The following TPRG1 variants were observed in gnomAD, a reference collection of about 807,000 sequenced individuals.
The protein encoded by TPRG1 is tumor protein p63-regulated gene 1 protein.
TPRG1 carries 29 observed loss-of-function variants against 29.3 expected under a neutral mutation model. The observed-to-expected ratio is 0.99, with a 90% CI of 0.74 to 1.35. The LOEUF is 1.35. Among genes scored for constraint, TPRG1 ranks in the 40% most tolerant of loss-of-function variants. The probability of loss-of-function intolerance (pLI) is 0.00; values close to 1 mark genes in which losing one functional copy is unlikely to be tolerated. For synonymous variants in TPRG1, 130 were observed against 116.8 expected, an observed-to-expected ratio of 1.11 and a Z score of -0.73; for missense variants, 327 against 335.0, an observed-to-expected ratio of 0.98 and a Z score of 0.19.
chr3:189,020,486 G>A (rs1057285779), intron 3 of TPRG1, among the ~76,000 whole-genome samples: 3 of 150,098 alleles, frequency 2.0e-5, no homozygotes, highest in Non-Finnish European at 3.0e-5. Flanking sequence ...ATTTCGTTAT[G>A]TACCCAGTAG....
intron 4 of TPRG1, among the ~76,000 whole-genome samples, chr3:189,252,110 C>T (rs1254921607): frequency 9.9e-5 from 15 of 152,160 alleles, no homozygotes; most frequent in Admixed American, 9.2e-4. Context: ...AGCATGCTGC[C>T]TTCAAGCATC....
At chr3:189,166,748 G>A (rs185448921) in intron 5 of TPRG1, among the ~76,000 whole-genome samples, 111 of 152,274 alleles carry the variant, frequency 7.3e-4, no homozygotes, top group African/African-American at 2.6e-3. Flanking sequence ...GATGAGACAT[G>A]TAAAATGCCT....
chr3:189,022,321 T>C (rs1436017451), intron 3 of TPRG1, among the ~76,000 whole-genome samples: 4 of 146,862 alleles, frequency 2.7e-5, no homozygotes, highest in African/African-American at 1.0e-4. Flanking sequence ...CTTTTTAGAG[T>C]TTCCAGTTTT....
At chr3:189,035,663 C>A (rs916962239) in intron 4 of TPRG1, among the ~76,000 whole-genome samples, 2 of 152,102 alleles carry the variant, frequency 1.3e-5, no homozygotes, top group Middle Eastern at 6.8e-3. Context: ...ATGTGACCAA[C>A]AAATATATTA....
chr3:189,138,097 A>G (rs1224431407), intron 3 of TPRG1, among the ~76,000 whole-genome samples: 1 of 152,204 alleles, frequency 6.6e-6, no homozygotes, highest in Non-Finnish European at 1.5e-5. Flanking sequence ...ATGGGCATGT[A>G]CAAGTTTTGT....
chr3:189,069,636 T>C (rs1175061606), intron 4 of TPRG1, among the ~76,000 whole-genome samples: 1 of 152,140 alleles, frequency 6.6e-6, no homozygotes, highest in Non-Finnish European at 1.5e-5. Context: ...GAAATTTCAG[T>C]CTTGGGCATT....
At chr3:189,027,939 C>T (rs750674374) in intron 4 of TPRG1, among the ~76,000 whole-genome samples, 9 of 151,932 alleles carry the variant, frequency 5.9e-5, no homozygotes, top group South Asian at 2.1e-4. Context: ...CATTTTTTTT[C>T]GTTCCCTCAT....
chr3:189,134,349 A>G (rs1020785221), intron 3 of TPRG1, among the ~76,000 whole-genome samples: 3 of 151,764 alleles, frequency 2.0e-5, no homozygotes, highest in Non-Finnish European at 4.4e-5. Flanking sequence ...TCACAAAATG[A>G]ACCAATCTCA....
At chr3:188,998,509 G>C (rs1039172726) in intron 1 of TPRG1, among the ~76,000 whole-genome samples, 1 of 152,236 alleles carries the variant, frequency 6.6e-6, no homozygotes, top group African/African-American at 2.4e-5. Context: ...AAGAATCTGT[G>C]TAAAGACACT....
chr3:189,259,462 CTTTTTTTTTT>C (rs35016491), intron 4 of TPRG1, among the ~76,000 whole-genome samples: 2 of 92,120 alleles, frequency 2.2e-5, no homozygotes, highest in African/African-American at 9.6e-5. Context: ...CCAGGAATCC[CTTTTTTTTTT>C]TTTTTTTTTT....
chr3:189,199,509 G>A (rs964366146), intron 1 of TPRG1, among the ~76,000 whole-genome samples: 6 of 152,106 alleles, frequency 3.9e-5, no homozygotes, highest in African/African-American at 4.8e-5. Flanking sequence ...ATTGATGACC[G>A]GGAAACCCAC....
chr3:189,128,732 T>A (rs1275440803), intron 2 of TPRG1, among the ~76,000 whole-genome samples: 1 of 152,164 alleles, frequency 6.6e-6, no homozygotes, highest in Non-Finnish European at 1.5e-5. Context: ...ATGCCACTGG[T>A]AGGTGTCAGT....
chr3:189,075,251 G>A (rs910272923), intron 4 of TPRG1, among the ~76,000 whole-genome samples: 2 of 151,978 alleles, frequency 1.3e-5, no homozygotes, highest in Admixed American at 1.3e-4. Context: ...TCCCGTCTCC[G>A]CCTCCCAAGT....
intron 4 of TPRG1, among the ~76,000 whole-genome samples, chr3:189,089,252 C>A (rs6444348): frequency 0.16 from 24,418 of 152,066 alleles, 3,732 homozygotes; most frequent in African/African-American, 0.41. Flanking sequence ...CATGGGATTC[C>A]TTTAACAGAA....
intron 4 of TPRG1, among the ~76,000 whole-genome samples, chr3:189,028,162 A>AATCG (rs1234098799): frequency 6.6e-6 from 1 of 152,212 alleles, no homozygotes; most frequent in Admixed American, 6.5e-5. Context: ...TTGGTTATAT[A>AATCG]ATCGTACTCC....
At chr3:189,247,534 TC>T (rs1461208692) in intron 4 of TPRG1, among the ~76,000 whole-genome samples, 1 of 152,038 alleles carries the variant, frequency 6.6e-6, no homozygotes, top group African/African-American at 2.4e-5. Flanking sequence ...TGGGATTTAT[TC>T]CTCCTTGAAA....
intron 3 of TPRG1, among the ~76,000 whole-genome samples, chr3:189,143,466 G>A (rs80275973): frequency 0.01 from 1,583 of 152,316 alleles, 33 homozygotes; most frequent in African/African-American, 0.036. Context: ...GTTCTAAATT[G>A]CAGCTGACTA....
chr3:189,236,815 A>G (rs531038396), intron 3 of TPRG1, among the ~76,000 whole-genome samples: 1 of 151,438 alleles, frequency 6.6e-6, no homozygotes, highest in South Asian at 2.1e-4. Context: ...TGTCCTTTGT[A>G]TCTTCTTCTC....
intron 4 of TPRG1, among the ~76,000 whole-genome samples, chr3:189,082,675 A>G (rs991291560): frequency 7.9e-5 from 12 of 152,158 alleles, no homozygotes; most frequent in Admixed American, 2.0e-4. Context: ...ATTCTGTTTC[A>G]AACTTTACAA....
Sources: allele counts gnomAD v4.1 joint callset (sites outside exome capture counted in the v4.1 genomes callset), GRCh38; gene constraint gnomAD v4.1.1; transcripts MANE v1.5; gene names NCBI Gene and HGNC (gene_info 2026-07-23, HGNC 2026-07-21).